IMPA2: variants seen among roughly 807,000 people sequenced by gnomAD.
The protein encoded by IMPA2 is IMP 2.
In IMPA2, 32 loss-of-function variants were observed where a neutral mutation model predicts 35.1. The observed-to-expected ratio is 0.91, with a 90% CI of 0.69 to 1.23. The LOEUF (loss-of-function observed/expected upper bound fraction) is 1.23, where lower values mean the gene tolerates loss of function less well. IMPA2 is among the 50% of genes most tolerant of loss of function. The pLI is 0.00. For missense variants in IMPA2, 334 were observed against 387.6 expected (o/e 0.86, Z 1.16); for synonymous variants, 135 against 160.6 (o/e 0.84, Z 1.20).
rs373511475 is a variant in IMPA2 at position 11,991,988 on chromosome 18, C to T, written c.97-7066C>T. On this transcript the variant is annotated intron_variant, in intron 1 of 7. Transcript: ENST00000269159. The surrounding 1 kb of genome is among the most constrained non-coding windows in gnomAD (Gnocchi z 4.1). ...CCCCCTGAGTAGCTGGGATTATAGG[C>T]GTGTGCCAGCACACCCACCTAATTT... is the stretch of plus-strand genomic sequence containing the variant. Among the ~76,000 whole-genome samples the T allele has an allele frequency of 9.2e-5, 14 of 152,248 alleles. No individual in the cohort carries two copies. Among genetic ancestry groups the T allele is most frequent in the Admixed American group, 3.9e-4 (6 of 15,294 alleles).
chr18:12,023,372 G>C (rs1261529989), intron 5 of IMPA2, among the ~76,000 whole-genome samples: 1 of 152,200 alleles, frequency 6.6e-6, no homozygotes, highest in African/African-American at 2.4e-5. Flanking sequence ...CGTAGGCTGG[G>C]AAGTGCTCGC....
chr18:12,012,190 G>A lies in IMPA2; in HGVS notation c.356G>A (p.Ser119Asn). The A allele has an allele frequency of 6.2e-7, 1 of 1,614,204 alleles. No homozygotes were observed. Among genetic ancestry groups the A allele is most frequent in the Non-Finnish European group, 8.5e-7 (1 of 1,180,018 alleles). Residue 119 changes from serine (S) to asparagine (N), a missense_variant, in exon 4 of 8, where the codon AGC (serine) becomes AAC (asparagine). Coordinates refer to ENST00000269159, the MANE Select transcript of IMPA2 (RefSeq NM_014214.3). ...FVHRFPTVAV[S>N]IGFAVRQELE... is the part of the protein sequence containing the mutation. ...TGCAGATTCCCGACTGTGGCGGTTA[G>A]CATTGGATTTGCTGTTCGACAAGAG...
chr18:11,987,853 G>A (rs1027941985), intron 1 of IMPA2, among the ~76,000 whole-genome samples: 1 of 152,082 alleles, frequency 6.6e-6, no homozygotes, highest in African/African-American at 2.4e-5. Context: ...GTGTGTGAGG[G>A]TTCCCTTTTC....
chr18:12,013,238 G>C (rs1388610670), intron 4 of IMPA2, among the ~76,000 whole-genome samples: 1 of 152,180 alleles, frequency 6.6e-6, no homozygotes, highest in Non-Finnish European at 1.5e-5. Flanking sequence ...CCCCATGGGA[G>C]TGGGGGACAT....
intron 2 of IMPA2, among the ~76,000 whole-genome samples, chr18:12,002,588 A>G (rs2143794242): frequency 6.6e-6 from 1 of 152,228 alleles, no homozygotes; most frequent in East Asian, 1.9e-4. Flanking sequence ...AGCCTGGGCA[A>G]CATGGTGAAT....
intron 5 of IMPA2, among the ~76,000 whole-genome samples, chr18:12,017,178 A>G (rs778687714): frequency 6.6e-6 from 1 of 152,238 alleles, no homozygotes; most frequent in Non-Finnish European, 1.5e-5. Flanking sequence ...TTCAAATTCT[A>G]CCATGCAAAT....
chr18:12,007,478 G>T (rs773188684), intron 2 of IMPA2, among the ~76,000 whole-genome samples: 60 of 152,166 alleles, frequency 3.9e-4, no homozygotes, highest in Non-Finnish European at 6.8e-4. Context: ...AGACCACATG[G>T]TTCGTGCGGG....
At chr18:12,007,788 T>C (rs1467479619) in intron 2 of IMPA2, among the ~76,000 whole-genome samples, 1 of 150,984 alleles carries the variant, frequency 6.6e-6, no homozygotes, top group African/African-American at 2.4e-5. Flanking sequence ...TTTCTTTTCT[T>C]TTTTTTGAGA....
intron 5 of IMPA2, among the ~76,000 whole-genome samples, chr18:12,027,289 C>T (rs1157407979): frequency 6.6e-6 from 1 of 152,210 alleles, no homozygotes; most frequent in African/African-American, 2.4e-5. Context: ...ACGTCCTGCC[C>T]TGAGCCAGGC....
chr18:12,006,683 A>G (rs1907256072), intron 2 of IMPA2, among the ~76,000 whole-genome samples: 1 of 152,182 alleles, frequency 6.6e-6, no homozygotes, highest in Non-Finnish European at 1.5e-5. Flanking sequence ...GTCGTATCCC[A>G]GGGTTGTATT....
intron 2 of IMPA2, among the ~76,000 whole-genome samples, chr18:12,003,350 A>G (rs1435988147): frequency 1.3e-5 from 2 of 151,916 alleles, no homozygotes; most frequent in Non-Finnish European, 1.5e-5. Context: ...GTAACATGAC[A>G]AAAAGCAAAC....
chr18:12,021,355 C>T (rs1364252353), intron 5 of IMPA2, among the ~76,000 whole-genome samples: 1 of 152,052 alleles, frequency 6.6e-6, no homozygotes, highest in Non-Finnish European at 1.5e-5. Flanking sequence ...CACCACTGCA[C>T]TCTAGCCTGG....
At chr18:12,020,571 T>G (rs985547398) in intron 5 of IMPA2, among the ~76,000 whole-genome samples, 1 of 152,172 alleles carries the variant, frequency 6.6e-6, no homozygotes, top group Non-Finnish European at 1.5e-5. Context: ...TGTTGCTTTG[T>G]TTTTTGTCTT....
chr18:11,990,223 C>T (rs1906776152), intron 1 of IMPA2, among the ~76,000 whole-genome samples: 2 of 152,192 alleles, frequency 1.3e-5, no homozygotes, highest in African/African-American at 4.8e-5. Flanking sequence ...CCCCTGGGCT[C>T]ACCTTTCATG....
At chr18:12,028,590 T>C in intron 6 of IMPA2, 1 of 521,346 alleles carries the variant, frequency 1.9e-6, no homozygotes, top group Non-Finnish European at 3.4e-6. Flanking sequence ...AATTCTCTGG[T>C]TGCTGCATCT....
chr18:12,005,192 G>A (rs1018821608), intron 2 of IMPA2, among the ~76,000 whole-genome samples: 1 of 152,216 alleles, frequency 6.6e-6, no homozygotes, highest in African/African-American at 2.4e-5. Context: ...CCTTGTAGGC[G>A]GGCAGGCAGT....
In IMPA2 at chr18:11,981,553, C is replaced by T. The variant is rs573046304; in HGVS notation, c.-117C>T. The T allele has an allele frequency of 4.6e-6, 3 of 646,846 alleles. No individual in the cohort carries two copies. The highest frequency in any genetic ancestry group is 8.0e-5 in the South Asian group (1 of 12,486). 40.1% of individuals were successfully genotyped at this position (646,846 alleles called of 1,614,324 possible). Reference sequence around the variant, plus strand: ...TGTGGGACGGGCGGCGGACTAGGCACAGAGCTGCGGGAGCAGGCACAGGGA... The same window carrying T: ...TGTGGGACGGGCGGCGGACTAGGCATAGAGCTGCGGGAGCAGGCACAGGGA... On this transcript the variant is annotated 5_prime_UTR_variant, in exon 1 of 8. Transcript: ENST00000269159.
intron 5 of IMPA2, 76 bp from the exon 6 acceptor site, chr18:12,027,967 C>G (rs1054033310): frequency 1.2e-6 from 1 of 863,166 alleles, no homozygotes; most frequent in Non-Finnish European, 1.9e-6. Context: ...AAGAAAGGCT[C>G]ACGTTGGAAG....
At chr18:12,006,870 G>A (rs1568032422) in intron 2 of IMPA2, among the ~76,000 whole-genome samples, 1 of 152,128 alleles carries the variant, frequency 6.6e-6, no homozygotes, top group Non-Finnish European at 1.5e-5. Context: ...GGTGGCTCAC[G>A]CCTGCAATCC....
Sources: gnomAD v4.1 joint callset for allele counts (sites outside exome capture counted in the v4.1 genomes callset) on GRCh38, gnomAD v4.1.1 for gene constraint, Gnocchi (gnomAD v3.1) non-coding constraint, MANE v1.5 for transcripts, NCBI Gene and HGNC (gene_info 2026-07-23, HGNC 2026-07-21) for gene names.